The following ANKAR variants were observed in gnomAD, a reference collection of about 807,000 sequenced individuals.
ANKAR encodes the protein ankyrin and armadillo repeat-containing protein.
In ANKAR, 136 loss-of-function variants were observed where a neutral mutation model predicts 146.2. That is an observed-to-expected ratio of 0.93 (90% CI 0.81 to 1.07). The LOEUF (loss-of-function observed/expected upper bound fraction) is 1.07, where lower values mean the gene tolerates loss of function less well. Ranked by LOEUF, ANKAR falls within the 50% of genes least tolerant of loss-of-function variation. The pLI is 0.00. For missense variants in ANKAR, 1,567 were observed against 1,679.9 expected, an observed-to-expected ratio of 0.93 and a Z score of 1.18; for synonymous variants, 500 against 575.8, an observed-to-expected ratio of 0.87 and a Z score of 1.88.
downstream of ANKAR, among the ~76,000 whole-genome samples, chr2:189,747,865 T>C (rs2044395453): frequency 6.6e-6 from 1 of 152,180 alleles, no homozygotes; most frequent in Non-Finnish European, 1.5e-5. Context: ...TTTGTATTTT[T>C]AGTAGAGATG....
At chr2:189,723,870 G>T (rs1367116022) in intron 12 of ANKAR, among the ~76,000 whole-genome samples, 1 of 152,104 alleles carries the variant, frequency 6.6e-6, no homozygotes, top group Non-Finnish European at 1.5e-5. Flanking sequence ...CTGAGCTTTA[G>T]AGCTACTTTG....
downstream of ANKAR, among the ~76,000 whole-genome samples, chr2:189,750,969 CAAAGCT>C (rs2045090398): frequency 6.6e-6 from 1 of 152,136 alleles, no homozygotes; most frequent in South Asian, 2.1e-4. Context: ...TAATTCTCTA[CAAAGCT>C]AAAAAGGTAA....
At chr2:189,686,731 C>G (rs1326775957) in intron 2 of ANKAR, among the ~76,000 whole-genome samples, 5 of 152,134 alleles carry the variant, frequency 3.3e-5, no homozygotes, top group African/African-American at 1.2e-4. Flanking sequence ...CCTTAGTAAC[C>G]TACTCATCTG....
At chr2:189,688,092 G>T (rs950149035) in intron 2 of ANKAR, among the ~76,000 whole-genome samples, 1 of 152,108 alleles carries the variant, frequency 6.6e-6, no homozygotes, top group Non-Finnish European at 1.5e-5. Context: ...TTCGTAGTTT[G>T]AGGTCTTAGA....
At chr2:189,763,034 A>G (rs1299337737), downstream of ANKAR, 5 of 985,262 alleles carry the variant, frequency 5.1e-6, no homozygotes, top group Non-Finnish European at 4.8e-6. Flanking sequence ...ACACTAAGCT[A>G]CATTAAAAAG....
At chr2:189,697,184 A>C (rs2037343276) in intron 7 of ANKAR, among the ~76,000 whole-genome samples, 1 of 151,700 alleles carries the variant, frequency 6.6e-6, no homozygotes, top group Non-Finnish European at 1.5e-5. Flanking sequence ...TTAGACTAGG[A>C]GTTCAAGATG....
At chr2:189,690,406 A>T (rs1242991823) in intron 3 of ANKAR, among the ~76,000 whole-genome samples, 1 of 152,206 alleles carries the variant, frequency 6.6e-6, no homozygotes, top group Non-Finnish European at 1.5e-5. Flanking sequence ...TGAAAAATAG[A>T]TGGAAACATA....
At chr2:189,678,967 G>A (rs1221979552) in intron 2 of ANKAR, among the ~76,000 whole-genome samples, 2 of 152,096 alleles carry the variant, frequency 1.3e-5, no homozygotes, top group African/African-American at 4.8e-5. Context: ...GAGGAATGAT[G>A]ATAGTATTTC....
At chr2:189,739,264 G>A (rs1353878650) in intron 19 of ANKAR, among the ~76,000 whole-genome samples, 3 of 152,080 alleles carry the variant, frequency 2.0e-5, no homozygotes, top group Non-Finnish European at 4.4e-5. Flanking sequence ...AGTAACATAA[G>A]GCAGGGTCAG....
rs16831876 is a variant in ANKAR, at chr2:189,693,182, G to A, written c.1307+5G>A. On this transcript the variant is annotated splice_donor_5th_base_variant and intron_variant, in intron 5 of 22. Coordinates refer to ENST00000684021, the MANE Select transcript of ANKAR (RefSeq NM_001378068.1). ...CATGGAATTTCATGGAAAAAGGTAC[G>A]GAGCTTTCACTAATTACTGACATTA... 5,529 of 1,523,502 alleles carry A rather than the reference G, an allele frequency of 3.6e-3. 149 individuals carry two copies. The African/African-American group carries it at 0.063, about 17-fold the overall frequency. The allele number at this position is 1,523,502 out of a possible 1,614,324, so 94.4% of individuals were successfully genotyped here. A position where few individuals can be genotyped will look rare whatever the true frequency, so the allele number is the denominator to read the frequency against.
chr2:189,735,357 T>G (rs2042754291), intron 17 of ANKAR, among the ~76,000 whole-genome samples: 1 of 152,216 alleles, frequency 6.6e-6, no homozygotes, highest in South Asian at 2.1e-4. Context: ...GCTGAAATTT[T>G]TAATTCTAAC....
chr2:189,677,754 T>G (rs1406045801), intron 2 of ANKAR, among the ~76,000 whole-genome samples: 1 of 151,478 alleles, frequency 6.6e-6, no homozygotes, highest in Non-Finnish European at 1.5e-5. Context: ...CATATGATCA[T>G]CCCATCTTGA....
At position 189,689,760 on chromosome 2, in the gene ANKAR, T is replaced by C. The variant is rs1331600576; in HGVS notation, c.835T>C (p.Tyr279His). Residue 279 changes from tyrosine (Y) to histidine (H), a missense_variant, in exon 3 of 23, where the codon TAT becomes CAT. Physicochemically the swap from Tyr to His is moderately conservative, Grantham distance 83. Coordinates refer to ENST00000684021, the MANE Select transcript of ANKAR (RefSeq NM_001378068.1). ...LTNAIKYNQD[Y>H]LDICTYQRLQ... ...TAATGCTATAAAATATAATCAGGAT[T>C]ATCTTGATATCTGTACCTACCAGAG... 6.2e-7 allele frequency: 1 copy of C among 1,612,408 alleles called. No homozygotes were observed. The highest frequency in any genetic ancestry group is 1.7e-5 in the Admixed American group (1 of 59,982).
chr2:189,708,520 A>C (rs562854645), intron 9 of ANKAR, among the ~76,000 whole-genome samples: 1 of 152,240 alleles, frequency 6.6e-6, no homozygotes, highest in African/African-American at 2.4e-5. Flanking sequence ...AGTATTCAAT[A>C]AATTACATGA....
In ANKAR at chr2:189,730,501, C is replaced by A. The variant is rs763646111; in HGVS notation, c.3200C>A (p.Ala1067Asp). The change falls in exon 16 of 23, where the codon GCC becomes GAC. Residue 1067 changes from alanine to aspartate, a missense_variant. By Grantham distance (126) the Ala-to-Asp change is moderately radical. Transcript: ENST00000684021. The stretch of plus-strand genomic sequence containing the variant: ...CTGGCGTGGACTCTTACAGGTGTAG[C>A]CCATACAAGCAATCCTGTCAGTCAA... ...RAVGSICIGV[A>D]HTSNPVSQQL... The A allele has an allele frequency of 8.2e-6, 13 of 1,591,278 alleles. No individual in the cohort carries two copies. The highest frequency in any genetic ancestry group is 1.0e-5 in the Non-Finnish European group (12 of 1,164,914).
At chr2:189,693,371 G>C (rs2036714182) in intron 5 of ANKAR, among the ~76,000 whole-genome samples, 194 bp downstream of exon 5, 1 of 152,120 alleles carries the variant, frequency 6.6e-6, no homozygotes, top group Admixed American at 6.5e-5. Flanking sequence ...ATTTGATATA[G>C]TCTGTGTAAC....
Position 189,743,414 on chromosome 2 carries a change from AC to A in ANKAR, c.3953del (p.Pro1318GlnfsTer4). The A allele has an allele frequency of 6.2e-7, 1 of 1,614,018 alleles. No individual in the cohort carries two copies. Among genetic ancestry groups the A allele is most frequent in the Non-Finnish European group, 8.5e-7 (1 of 1,179,940 alleles). On this transcript the variant is annotated frameshift_variant, in exon 21 of 23. Transcript: ENST00000684021. LOFTEE classifies it high-confidence loss of function. ...KNNISRDASI[N>X]PAFLKEFQMQ... ...AATATCAGCAGAGATGCAAGTATTA[AC>A]CCAGCATTTTTAAAGGAATTTCAAA...
chr2:189,682,017 A>G (rs1373811857), intron 2 of ANKAR, among the ~76,000 whole-genome samples: 1 of 152,186 alleles, frequency 6.6e-6, no homozygotes, highest in Non-Finnish European at 1.5e-5. Context: ...ATTGTTCTTA[A>G]ATGAGGCTGG....
At chr2:189,760,897 G>A (rs1315142446) in intron 18 of ANKAR, among the ~76,000 whole-genome samples, 1 of 152,168 alleles carries the variant, frequency 6.6e-6, no homozygotes, top group Admixed American at 6.5e-5. Context: ...CTAGAGCTGA[G>A]TAGTGACCTC....
Sources: allele counts gnomAD v4.1 joint callset (sites outside exome capture counted in the v4.1 genomes callset), GRCh38; gene constraint gnomAD v4.1.1; transcripts MANE v1.5; gene names NCBI Gene and HGNC (gene_info 2026-07-23, HGNC 2026-07-21).